Variants in RSPO2 observed in about 807,000 individuals in gnomAD.
RSPO2 encodes the protein R-spondin 2.
Under a neutral mutation model 30.9 loss-of-function variants are expected in RSPO2, and 14 were observed. The ratio of observed to expected loss-of-function variants is 0.45; its 90% CI spans 0.30 to 0.71. The LOEUF (loss-of-function observed/expected upper bound fraction) is 0.71, where lower values mean the gene tolerates loss of function less well. Ranked by LOEUF, RSPO2 falls within the 30% of genes least tolerant of loss-of-function variation. The pLI is 0.08. For missense variants in RSPO2, 264 were observed against 301.9 expected, an observed-to-expected ratio of 0.87 and a Z score of 0.93; for synonymous variants, 107 against 96.4, an observed-to-expected ratio of 1.11 and a Z score of -0.64.
intron 2 of RSPO2, among the ~76,000 whole-genome samples, chr8:108,002,965 A>G (rs1053737044): frequency 6.6e-6 from 1 of 152,126 alleles, no homozygotes; most frequent in African/African-American, 2.4e-5. Context: ...TCTACAATGT[A>G]GTTCACTGTT....
chr8:108,019,372 T>G (rs1810989535), intron 2 of RSPO2, among the ~76,000 whole-genome samples: 1 of 151,608 alleles, frequency 6.6e-6, no homozygotes. Context: ...AATAATAAAT[T>G]AAGGTAAAAA....
intron 2 of RSPO2, chr8:107,996,890 A>C (rs1287153048): frequency 2.2e-6 from 1 of 453,532 alleles, no homozygotes; most frequent in Non-Finnish European, 4.4e-6. Flanking sequence ...TAAACAATGA[A>C]AATGAATTAG....
At chr8:107,993,327 A>G (rs946979035) in intron 2 of RSPO2, among the ~76,000 whole-genome samples, 31 of 152,222 alleles carry the variant, frequency 2.0e-4, no homozygotes, top group African/African-American at 7.5e-4. Flanking sequence ...AACAATCCGA[A>G]TATCTATGAA....
chr8:108,029,267 A>G (rs558940953), intron 2 of RSPO2, among the ~76,000 whole-genome samples: 77 of 151,902 alleles, frequency 5.1e-4, no homozygotes, highest in Non-Finnish European at 1.0e-3. Flanking sequence ...AGGAGTTGCC[A>G]CAGAGATCAT....
chr8:108,068,583 A>C (rs1314113873), intron 2 of RSPO2, among the ~76,000 whole-genome samples: 1 of 152,228 alleles, frequency 6.6e-6, no homozygotes, highest in East Asian at 1.9e-4. Context: ...TTGAAGTCCT[A>C]ATTCTCAGTG....
chr8:107,919,060 T>C (rs1812072404), intron 5 of RSPO2, among the ~76,000 whole-genome samples: 1 of 152,216 alleles, frequency 6.6e-6, no homozygotes, highest in East Asian at 1.9e-4. Flanking sequence ...ACCTTTGCCA[T>C]ATAAGCCTTG....
chr8:108,062,835 G>T (rs370154342), intron 2 of RSPO2, among the ~76,000 whole-genome samples: 1 of 151,816 alleles, frequency 6.6e-6, no homozygotes, highest in African/African-American at 2.4e-5. Context: ...TATCCACCAT[G>T]ATCAAGTGGG....
At chr8:107,984,272 C>T (rs1003539640) in intron 3 of RSPO2, among the ~76,000 whole-genome samples, 2 of 152,184 alleles carry the variant, frequency 1.3e-5, no homozygotes, top group African/African-American at 4.8e-5. Context: ...AGTTATTTTT[C>T]TTATCTTCAG....
At chr8:107,941,294 G>T (rs1217326527) in intron 5 of RSPO2, among the ~76,000 whole-genome samples, 1 of 151,996 alleles carries the variant, frequency 6.6e-6, no homozygotes, top group Non-Finnish European at 1.5e-5. Flanking sequence ...TTATCTCTAT[G>T]GTGGCCTTCC....
intron 2 of RSPO2, among the ~76,000 whole-genome samples, chr8:108,056,654 GA>G (rs1286562279): frequency 7.2e-6 from 1 of 139,468 alleles, no homozygotes; most frequent in East Asian, 2.1e-4. Flanking sequence ...GAAAAGAAAA[GA>G]AAAAGAAAAA....
At chr8:108,021,272 A>G (rs943634103) in intron 2 of RSPO2, among the ~76,000 whole-genome samples, 5 of 152,192 alleles carry the variant, frequency 3.3e-5, no homozygotes, top group Admixed American at 3.3e-4. Flanking sequence ...ATTTACTGAG[A>G]CAGTCTGACT....
At chr8:107,901,302 T>C in intron 5 of RSPO2, 112 bp from the exon 6 acceptor site, 1 of 1,195,838 alleles carries the variant, frequency 8.4e-7, no homozygotes, top group Non-Finnish European at 1.1e-6. Context: ...ACATCACCTA[T>C]GGAAAAAGCC....
At chr8:107,970,137 C>T (rs557845633) in intron 3 of RSPO2, among the ~76,000 whole-genome samples, 1 of 152,092 alleles carries the variant, frequency 6.6e-6, no homozygotes, top group African/African-American at 2.4e-5. Flanking sequence ...GCAGACCATA[C>T]GGTATCTGTC....
chr8:107,997,706 T>C (rs1219693631), intron 2 of RSPO2, among the ~76,000 whole-genome samples: 1 of 152,174 alleles, frequency 6.6e-6, no homozygotes, highest in African/African-American at 2.4e-5. Context: ...GCAGCATAGG[T>C]ATTACTCTTT....
In RSPO2 at chr8:107,968,609, T is replaced by A. The variant is rs967943260; in HGVS notation, c.284-7792A>T. On this transcript the variant is annotated intron_variant, in intron 3 of 5. Coordinates refer to ENST00000276659, the MANE Select transcript of RSPO2 (RefSeq NM_178565.5). ...TGTAATGTTCCCAACACAAAAAAAATAAATGTTTGAGGTGACGGATATCCT... is the reference window on the plus strand; with the variant it reads ...TGTAATGTTCCCAACACAAAAAAAAAAAATGTTTGAGGTGACGGATATCCT... Among the ~76,000 whole-genome samples the A allele has an allele frequency of 6.7e-5, 10 of 150,124 alleles. No homozygotes were observed. In the East Asian group the frequency reaches 2.2e-3, roughly 32 times the overall value.
intron 2 of RSPO2, among the ~76,000 whole-genome samples, chr8:108,002,876 A>T (rs1815296604): frequency 6.6e-6 from 1 of 152,138 alleles, no homozygotes; most frequent in African/African-American, 2.4e-5. Context: ...TTGCCTTAAT[A>T]AAAAGCATAT....
chr8:108,011,148 A>AAAAAAAAAAAAAAG (rs1554581784), intron 2 of RSPO2, among the ~76,000 whole-genome samples: 1 of 140,486 alleles, frequency 7.1e-6, no homozygotes, highest in Non-Finnish European at 1.5e-5. Context: ...AAAAAAAAAA[A>AAAAAAAAAAAAAAG]AAAGAAAGAA....
chr8:108,028,285 T>C (rs767855561), intron 2 of RSPO2, among the ~76,000 whole-genome samples: 1 of 152,214 alleles, frequency 6.6e-6, no homozygotes, highest in Non-Finnish European at 1.5e-5. Flanking sequence ...CAAGTGAAGA[T>C]TGTTCAAGAA....
At chr8:107,983,210 C>A (rs1415243165) in intron 3 of RSPO2, 2 of 1,575,370 alleles carry the variant, frequency 1.3e-6, no homozygotes, top group East Asian at 4.5e-5. Flanking sequence ...GAGGCTATTT[C>A]TTGTCACAAA....
Sources: gnomAD v4.1 joint callset for allele counts (sites outside exome capture counted in the v4.1 genomes callset) on GRCh38, gnomAD v4.1.1 for gene constraint, MANE v1.5 for transcripts, NCBI Gene and HGNC (gene_info 2026-07-23, HGNC 2026-07-21) for gene names.